The following PANK2 variants were observed in gnomAD, a reference collection of about 807,000 sequenced individuals.
PANK2 encodes the protein pantothenate kinase 2.
In PANK2, 36 loss-of-function variants were observed where a neutral mutation model predicts 43.1. The observed-to-expected ratio is 0.84, with a 90% confidence interval of 0.64 to 1.10. PANK2 has a LOEUF of 1.10. Among genes scored for constraint, PANK2 ranks in the 50% least tolerant of loss-of-function variants. The pLI is 0.00. For missense variants in PANK2, 576 were observed against 593.3 expected (o/e 0.97, Z 0.30); for synonymous variants, 281 against 238.2 (o/e 1.18, Z -1.66).
At chr20:3,907,150 C>T (rs2090401086) in intron 1 of PANK2, among the ~76,000 whole-genome samples, 1 of 136,388 alleles carries the variant, frequency 7.3e-6, no homozygotes, top group South Asian at 2.3e-4. Context: ...GTCGCCCAGG[C>T]TGGAGTGCAG....
At chr20:3,901,241 CT>C (rs1568562474) in intron 1 of PANK2, among the ~76,000 whole-genome samples, 2 of 150,918 alleles carry the variant, frequency 1.3e-5, no homozygotes, top group African/African-American at 4.9e-5. Flanking sequence ...GAGATGTGGT[CT>C]TGCTGTGTTG....
chr20:3,918,165 G>A (rs2146891370), intron 5 of PANK2, among the ~76,000 whole-genome samples: 1 of 152,328 alleles, frequency 6.6e-6, no homozygotes, highest in Admixed American at 6.5e-5. Flanking sequence ...ATCATCTTTA[G>A]CGGTGAATGA....
upstream of PANK2, chr20:3,889,145 G>T: frequency 6.3e-7 from 1 of 1,575,864 alleles, no homozygotes; most frequent in Non-Finnish European, 8.6e-7. Context: ...ATTGGGCGGC[G>T]CCGCCATCAC....
At position 3,916,978 on chromosome 20, in the gene PANK2, C is replaced by T; in HGVS notation, c.1134C>T (p.Asp378=). Residue 378 remains aspartate (D), a synonymous_variant, in exon 5 of 7, where the codon GAC becomes GAT. Coordinates refer to ENST00000610179, the MANE Select transcript of PANK2 (RefSeq NM_001386393.1). ...AGCGAGAGGCTGTCAGTAAAGAGGA[C>T]CTGGCCAGAGCGACTTTGATCACCA... is the stretch of plus-strand genomic sequence containing the variant. 1.9e-6 allele frequency: 3 copies of T among 1,613,998 alleles called. No individual in the cohort carries two copies. Among genetic ancestry groups the T allele is most frequent in the Non-Finnish European group, 2.5e-6 (3 of 1,180,000 alleles).
intron 4 of PANK2, among the ~76,000 whole-genome samples, chr20:3,915,827 A>G (rs570184316): frequency 2.6e-5 from 4 of 152,286 alleles, no homozygotes; most frequent in Non-Finnish European, 1.5e-5. Flanking sequence ...GTTATGTTCC[A>G]TTGATATATA....
intron 4 of PANK2, among the ~76,000 whole-genome samples, chr20:3,916,457 A>T (rs534724378): frequency 1.3e-5 from 2 of 152,314 alleles, no homozygotes; most frequent in South Asian, 2.1e-4. Context: ...TTTATCTTCT[A>T]GGGAAACCTG....
chr20:3,912,699 C>T (rs904527818), intron 4 of PANK2, 65 bp downstream of exon 4: 3 of 1,580,080 alleles, frequency 1.9e-6, no homozygotes, highest in Admixed American at 1.7e-5. Flanking sequence ...TGCCTTTAAT[C>T]CCAAAACTTT....
intron 1 of PANK2, among the ~76,000 whole-genome samples, chr20:3,902,657 G>A (rs1015926641): frequency 2.0e-5 from 3 of 151,180 alleles, no homozygotes; most frequent in African/African-American, 7.3e-5. Flanking sequence ...CTGGCTTCAA[G>A]TGATCCTCCC....
upstream of PANK2, chr20:3,889,192 G>T (rs1310978152): frequency 1.9e-6 from 3 of 1,611,756 alleles, no homozygotes; most frequent in African/African-American, 1.3e-5. Flanking sequence ...TTCCTCCGCG[G>T]AACCCGGATC....
chr20:3,924,644 GTGAT>G lies in PANK2; in HGVS notation c.*1353_*1356del, dbSNP rs2090694818. The G allele has an allele frequency of 6.5e-6, 1 of 153,066 alleles. No individual in the cohort carries two copies. Among genetic ancestry groups the G allele is most frequent in the Admixed American group, 6.5e-5 (1 of 15,290 alleles). The allele number at this position is 153,066 out of a possible 1,614,324, so 9.5% of individuals were successfully genotyped here. A position where few individuals can be genotyped will look rare whatever the true frequency, so the allele number is the denominator to read the frequency against. On this transcript the variant is annotated 3_prime_UTR_variant, in exon 7 of 7. Transcript: ENST00000610179. Reference sequence around the variant, plus strand: ...GGAGGGTAATTTTGTCCCCTGGAGAGTGATTGGTGACCCTCTTCCCTGCTGCTGC... The same window carrying G: ...GGAGGGTAATTTTGTCCCCTGGAGAGTGGTGACCCTCTTCCCTGCTGCTGC...
intron 4 of PANK2, among the ~76,000 whole-genome samples, chr20:3,916,208 T>C (rs2090557317): frequency 1.3e-5 from 2 of 152,262 alleles, no homozygotes; most frequent in Admixed American, 1.3e-4. Context: ...AATGCTATTA[T>C]AAATGAAATC....
At chr20:3,916,711 C>G (rs2090565427) in intron 4 of PANK2, among the ~76,000 whole-genome samples, 1 of 152,172 alleles carries the variant, frequency 6.6e-6, no homozygotes, top group Admixed American at 6.5e-5. Context: ...TCAGTAGAAA[C>G]CGCAGGGAAA....
chr20:3,923,861 A>G lies in PANK2; in HGVS notation c.*567A>G, dbSNP rs1024343618. On this transcript the variant is annotated 3_prime_UTR_variant, in exon 7 of 7. Coordinates refer to ENST00000610179, the MANE Select transcript of PANK2 (RefSeq NM_001386393.1). The stretch of plus-strand genomic sequence containing the variant: ...AAGCAGTTTTTGGAAGGGCAGTTCC[A>G]CGTTACTTTACACTAAATCCTGGGA... The G allele has an allele frequency of 6.4e-6, 1 of 156,900 alleles. No homozygotes were observed. Among genetic ancestry groups the G allele is most frequent in the African/African-American group, 2.4e-5 (1 of 41,476 alleles). The allele number at this position is 156,900 out of a possible 1,614,324, so 9.7% of individuals were successfully genotyped here. A position where few individuals can be genotyped will look rare whatever the true frequency, so the allele number is the denominator to read the frequency against.
intron 1 of PANK2, among the ~76,000 whole-genome samples, chr20:3,896,696 A>AG (rs1392798957): frequency 6.6e-6 from 1 of 152,146 alleles, no homozygotes; most frequent in Non-Finnish European, 1.5e-5. Context: ...AAAACCCAGG[A>AG]GGACAGGGTT....
At chr20:3,902,611 G>A (rs2090319661) in intron 1 of PANK2, among the ~76,000 whole-genome samples, 1 of 151,094 alleles carries the variant, frequency 6.6e-6, no homozygotes, top group Non-Finnish European at 1.5e-5. Flanking sequence ...AGTAGAGATG[G>A]GGTCTGGCTG....
rs988371937 is a variant in PANK2, at chr20:3,901,701, GTTTC to G, written c.299-6222_299-6219del. On this transcript the variant is annotated intron_variant, in intron 1 of 6. Coordinates refer to ENST00000610179, the MANE Select transcript of PANK2 (RefSeq NM_001386393.1). ...CTTAAAGCTCTTGGATTAAAAAAAA[GTTTC>G]TTAAAGCTCTTGGATGTTTTAAAAT... 3.2e-5 allele frequency: 22 copies of G among 691,478 alleles called. No homozygotes were observed. In the African/African-American group the frequency reaches 4.3e-4, roughly 13 times the overall value. The allele number at this position is 691,478 out of a possible 1,614,324, so 42.8% of individuals were successfully genotyped here. A position where few individuals can be genotyped will look rare whatever the true frequency, so the allele number is the denominator to read the frequency against.
chr20:3,921,693 A>G (rs1387713428), intron 6 of PANK2: 2 of 152,016 alleles, frequency 1.3e-5, no homozygotes, highest in Admixed American at 1.3e-4. Context: ...ACCAAAACCA[A>G]AGATGGTCAA....
At chr20:3,907,251 G>A (rs2090402919) in intron 1 of PANK2, among the ~76,000 whole-genome samples, 1 of 151,898 alleles carries the variant, frequency 6.6e-6, no homozygotes, top group South Asian at 2.1e-4. Context: ...ACAGGTGCAC[G>A]TCACCATGCC....
intron 1 of PANK2, 54 bp downstream of exon 1, chr20:3,889,782 A>ACCCTGTCCCCTTCCGGCCCC (rs1568551341): frequency 2.4e-6 from 2 of 822,912 alleles, no homozygotes; most frequent in African/African-American, 2.9e-5. Flanking sequence ...CTTCCGGCCC[A>ACCCTGTCCCCTTCCGGCCCC]CCCTGTCCCC....
Sources: allele counts gnomAD v4.1 joint callset (sites outside exome capture counted in the v4.1 genomes callset), GRCh38; gene constraint gnomAD v4.1.1; transcripts MANE v1.5; gene names NCBI Gene and HGNC (gene_info 2026-07-23, HGNC 2026-07-21).